GALNT12: variants seen among roughly 807,000 people sequenced by gnomAD.
The protein encoded by GALNT12 is polypeptide N-acetylgalactosaminyltransferase 12, also known as UDP-GalNAc:polypeptide N-acetylgalactosaminyltransferase 12.
Under a neutral mutation model 55.5 loss-of-function variants are expected in GALNT12, and 45 were observed. The observed-to-expected ratio is 0.81, with a 90% CI of 0.64 to 1.04. GALNT12 has a LOEUF of 1.04. Among genes scored for constraint, GALNT12 ranks in the 50% least tolerant of loss-of-function variants. The probability of loss-of-function intolerance (pLI) is 0.00; values close to 1 mark genes in which losing one functional copy is unlikely to be tolerated. For synonymous variants in GALNT12, 304 were observed against 312.2 expected, an observed-to-expected ratio of 0.97 and a Z score of 0.28; for missense variants, 709 against 754.8, an observed-to-expected ratio of 0.94 and a Z score of 0.71.
At position 98,831,761 on chromosome 9, in the gene GALNT12, G is replaced by A; in HGVS notation, c.732-11G>A. On this transcript the variant is annotated splice_polypyrimidine_tract_variant and intron_variant, in intron 3 of 9. Transcript: ENST00000375011. ...ATAGGAGAGACGGATGGATGTCTTG[G>A]GTGCTTTCAGGATCCATGAAGAGGA... 1.2e-6 allele frequency: 2 copies of A among 1,614,128 alleles called. No individual in the cohort carries two copies. The highest frequency in any genetic ancestry group is 1.7e-5 in the Admixed American group (1 of 60,012).
At chr9:98,809,196 C>T (rs1835441644) in intron 1 of GALNT12, among the ~76,000 whole-genome samples, 2 of 152,218 alleles carry the variant, frequency 1.3e-5, no homozygotes, top group Admixed American at 1.3e-4. Context: ...CCAGAGAGAC[C>T]ATGAATGATG....
chr9:98,831,863 C>G lies in GALNT12; in HGVS notation c.823C>G (p.Gln275Glu), dbSNP rs560176783. ...ATACCTGGGGAACTCCGGGGAGCCC[C>G]AGATCGGCGGTTTCGACTGGAGGCT... Reference protein sequence around the residue: ...FEYLGNSGEPQIGGFDWRLVF... With the variant: ...FEYLGNSGEPEIGGFDWRLVF... Residue 275 changes from glutamine to glutamate, a missense_variant, in exon 4 of 10, where the codon CAG becomes GAG. Physicochemically the swap from Gln to Glu is conservative, Grantham distance 29 (BLOSUM62 2). Transcript: ENST00000375011. 6.2e-7 allele frequency: 1 copy of G among 1,614,210 alleles called. No homozygotes were observed. Among genetic ancestry groups the G allele is most frequent in the African/African-American group, 1.3e-5 (1 of 75,054 alleles).
intron 1 of GALNT12, among the ~76,000 whole-genome samples, chr9:98,821,624 C>A (rs13291978): frequency 9.3e-4 from 104 of 111,992 alleles, no homozygotes; most frequent in African/African-American, 9.8e-4. Context: ...GACTCCATCT[C>A]AAAAAAAAAA....
At position 98,807,689 on chromosome 9, in the gene GALNT12, T is replaced by C. The variant is rs1835403190; in HGVS notation, c.-10T>C. 1 of 1,131,900 alleles carries C rather than the reference T, an allele frequency of 8.8e-7. No homozygotes were observed. The highest frequency in any genetic ancestry group is 5.1e-5 in the East Asian group (1 of 19,736). 70.1% of individuals were successfully genotyped at this position (1,131,900 alleles called of 1,614,324 possible). On this transcript the variant is annotated 5_prime_UTR_variant, in exon 1 of 10. Transcript: ENST00000375011. Reference sequence around the variant, plus strand: ...GGGCGCGCAGATCGCTGGCTGCAGTTGGCGGGCGCATGTGGGGGCGCACGG... The same window carrying C: ...GGGCGCGCAGATCGCTGGCTGCAGTCGGCGGGCGCATGTGGGGGCGCACGG...
intron 6 of GALNT12, among the ~76,000 whole-genome samples, chr9:98,837,474 CTA>C (rs1836182981): frequency 6.6e-6 from 1 of 152,164 alleles, no homozygotes; most frequent in Non-Finnish European, 1.5e-5. Flanking sequence ...ACCTTGTTTT[CTA>C]TGTGTTTCTG....
Position 98,808,045 on chromosome 9 carries a change from G to C in GALNT12, c.347G>C (p.Arg116Pro), listed in dbSNP as rs1421429267. The change falls in exon 1 of 10, where the codon CGC becomes CCC. Residue 116 changes from arginine to proline, a missense_variant. By Grantham distance (103) the Arg-to-Pro change is moderately radical. Transcript: ENST00000375011. ...YLSDRISLHRRLPERWNPLCK... is the reference protein window; with the variant it reads ...YLSDRISLHRPLPERWNPLCK... ...AGCGACCGCATCTCACTGCACCGCC[G>C]CCTGCCCGAGCGCTGGAACCCGCTG... 5.1e-6 allele frequency: 8 copies of C among 1,580,566 alleles called. No individual in the cohort carries two copies. In the South Asian group the frequency reaches 6.9e-5, roughly 14 times the overall value.
chr9:98,831,810 T>C lies in GALNT12; in HGVS notation c.770T>C (p.Ile257Thr), dbSNP rs747019868. 6.2e-7 allele frequency: 1 copy of C among 1,614,222 alleles called. No individual in the cohort carries two copies. The highest frequency in any genetic ancestry group is 2.2e-5 in the East Asian group (1 of 44,884). ...GAGTCGGCAGTGGTGTGCCCGGTGATTGATGTGATCGACTGGAACACCTTC... is the reference window on the plus strand; with the variant it reads ...GAGTCGGCAGTGGTGTGCCCGGTGACTGATGTGATCGACTGGAACACCTTC... ...EEESAVVCPV[I>T]DVIDWNTFEY... is the part of the protein sequence containing the mutation. The change falls in exon 4 of 10, where the codon ATT becomes ACT. Residue 257 changes from isoleucine to threonine, a missense_variant. Transcript: ENST00000375011.
rs1315923578 is a variant in GALNT12, at chr9:98,807,827, C to T, written c.129C>T (p.Ala43=). 8.1e-5 allele frequency: 83 copies of T among 1,026,698 alleles called. No homozygotes were observed. The highest frequency in any genetic ancestry group is 9.1e-5 in the Non-Finnish European group (78 of 859,356). The allele number at this position is 1,026,698 out of a possible 1,614,324, so 63.6% of individuals were successfully genotyped here. The part of the protein sequence containing the change: ...LGSVLRAQRG[A]GAGAAEPGPP... ...CGGTGCTGCGGGCGCAGCGTGGGGCCGGGGCCGGGGCTGCCGAGCCGGGAC... is the reference window on the plus strand; with the variant it reads ...CGGTGCTGCGGGCGCAGCGTGGGGCTGGGGCCGGGGCTGCCGAGCCGGGAC... The change falls in exon 1 of 10, where the codon GCC becomes GCT. Residue 43 remains alanine, a synonymous_variant. Transcript: ENST00000375011.
At chr9:98,814,888 G>T (rs1835577339) in intron 1 of GALNT12, among the ~76,000 whole-genome samples, 1 of 152,188 alleles carries the variant, frequency 6.6e-6, no homozygotes, top group African/African-American at 2.4e-5. Flanking sequence ...AAATGGTACT[G>T]TTACTACCAG....
At position 98,836,952 on chromosome 9, in the gene GALNT12, C is replaced by T. The variant is rs2118449783; in HGVS notation, c.1036-20C>T. The T allele has an allele frequency of 3.1e-6, 5 of 1,613,920 alleles. No homozygotes were observed. Among genetic ancestry groups the T allele is most frequent in the Non-Finnish European group, 4.2e-6 (5 of 1,179,994 alleles). On this transcript the variant is annotated intron_variant, in intron 5 of 9. Transcript: ENST00000375011. ...TCATCCCCTGCTCACCACCTGGCCTCTCCTTTTCTCTGTGTGCAGATCTGG... is the reference window on the plus strand; with the variant it reads ...TCATCCCCTGCTCACCACCTGGCCTTTCCTTTTCTCTGTGTGCAGATCTGG...
intron 4 of GALNT12, among the ~76,000 whole-genome samples, chr9:98,833,726 T>G (rs1425882941): frequency 6.6e-6 from 1 of 152,114 alleles, no homozygotes; most frequent in Non-Finnish European, 1.5e-5. Flanking sequence ...GAGAACATCC[T>G]GCTCAATCCC....
At position 98,835,316 on chromosome 9, in the gene GALNT12, G is replaced by A. The variant is rs267602051; in HGVS notation, c.985G>A (p.Asp329Asn). ...KKYFEYLGSY[D>N]TGMEVWGGEN... ...ATATTTTGAATATCTGGGGTCTTAT[G>A]ATACAGGAATGGAAGTTTGGGGAGG... The change falls in exon 5 of 10, where the codon GAT becomes AAT. Residue 329 changes from aspartate to asparagine, a missense_variant. Asp to Asn is a conservative substitution (Grantham distance 23, BLOSUM62 1). Coordinates refer to ENST00000375011, the MANE Select transcript of GALNT12 (RefSeq NM_024642.5). 4 of 1,614,056 alleles carry A rather than the reference G, an allele frequency of 2.5e-6. No homozygotes were observed. Among genetic ancestry groups the A allele is most frequent in the Non-Finnish European group, 3.4e-6 (4 of 1,179,902 alleles).
intron 3 of GALNT12, 50 bp downstream of exon 3, chr9:98,826,991 T>C (rs951934168): frequency 2.0e-6 from 3 of 1,536,464 alleles, no homozygotes; most frequent in Non-Finnish European, 2.6e-6. Flanking sequence ...CTGGAGTAGG[T>C]AGCATGAGGA....
At chr9:98,828,842 T>G (rs918916458) in intron 3 of GALNT12, among the ~76,000 whole-genome samples, 2 of 152,092 alleles carry the variant, frequency 1.3e-5, no homozygotes, top group African/African-American at 4.8e-5. Context: ...TTTTTTCTTT[T>G]TTTTTTAGAC....
intron 1 of GALNT12, among the ~76,000 whole-genome samples, chr9:98,819,915 C>T (rs1432620008): frequency 2.6e-5 from 4 of 152,318 alleles, no homozygotes; most frequent in African/African-American, 9.6e-5. Context: ...CTTTCTTAGC[C>T]TTTAACGTGG....
chr9:98,831,700 T>A, intron 3 of GALNT12, 72 bp from the exon 4 acceptor site: 1 of 1,543,486 alleles, frequency 6.5e-7, no homozygotes, highest in Non-Finnish European at 8.9e-7. Context: ...GAATTCACCC[T>A]TGAATTTCCC....
chr9:98,841,338 G>A (rs928399181), intron 7 of GALNT12, among the ~76,000 whole-genome samples: 1 of 152,152 alleles, frequency 6.6e-6, no homozygotes. Flanking sequence ...CACTTTGTGG[G>A]TGATGTTATG....
chr9:98,825,753 T>C (rs1229965279), intron 2 of GALNT12, among the ~76,000 whole-genome samples: 1 of 152,136 alleles, frequency 6.6e-6, no homozygotes, highest in Non-Finnish European at 1.5e-5. Context: ...GGTGGGAGGA[T>C]TGCTTGAGCC....
chr9:98,840,893 T>A (rs566197494), intron 7 of GALNT12, among the ~76,000 whole-genome samples: 1 of 152,352 alleles, frequency 6.6e-6, no homozygotes, highest in Admixed American at 6.5e-5. Flanking sequence ...GGGCATTGTG[T>A]CATTTCTCTC....
Sources: gnomAD v4.1 joint callset for allele counts (sites outside exome capture counted in the v4.1 genomes callset) on GRCh38, gnomAD v4.1.1 for gene constraint, MANE v1.5 for transcripts, NCBI Gene and HGNC (gene_info 2026-07-23, HGNC 2026-07-21) for gene names.